Variants in KCTD16 observed in about 807,000 individuals in gnomAD.
KCTD16 encodes potassium channel tetramerization domain containing 16.
Under a neutral mutation model 33.2 loss-of-function variants are expected in KCTD16, and 13 were observed. The ratio of observed to expected loss-of-function variants is 0.39; its 90% CI spans 0.25 to 0.62. The LOEUF (loss-of-function observed/expected upper bound fraction) is 0.62, where lower values mean the gene tolerates loss of function less well. Among genes scored for constraint, KCTD16 ranks in the 20% least tolerant of loss-of-function variants. The pLI is 0.50. For synonymous variants in KCTD16, 197 were observed against 195.3 expected, an observed-to-expected ratio of 1.01 and a Z score of -0.07; for missense variants, 441 against 525.1, an observed-to-expected ratio of 0.84 and a Z score of 1.57.
intron 3 of KCTD16, among the ~76,000 whole-genome samples, chr5:144,264,181 T>A (rs1755081009): frequency 6.6e-6 from 1 of 152,228 alleles, no homozygotes; most frequent in Non-Finnish European, 1.5e-5. Flanking sequence ...TAAAATAATT[T>A]ATGTACTTCT....
chr5:144,401,688 C>T (rs1462484837), intron 3 of KCTD16, among the ~76,000 whole-genome samples: 2 of 152,210 alleles, frequency 1.3e-5, no homozygotes, highest in Non-Finnish European at 2.9e-5. Flanking sequence ...TCTATCCCAT[C>T]TATTCATCCA....
chr5:144,439,909 CATGT>C (rs1443975228), intron 3 of KCTD16, among the ~76,000 whole-genome samples: 1 of 150,068 alleles, frequency 6.7e-6, no homozygotes, highest in Non-Finnish European at 1.5e-5. Flanking sequence ...GAAGTCTGTT[CATGT>C]TAAAATCCTT....
chr5:144,448,324 TTCTC>T (rs1351027476), intron 3 of KCTD16, among the ~76,000 whole-genome samples: 1 of 152,208 alleles, frequency 6.6e-6, no homozygotes, highest in East Asian at 1.9e-4. Flanking sequence ...TTTTGTTTCT[TTCTC>T]TCTACTAGGC....
intron 3 of KCTD16, among the ~76,000 whole-genome samples, chr5:144,295,504 T>C (rs1345605617): frequency 6.6e-6 from 1 of 152,028 alleles, no homozygotes; most frequent in African/African-American, 2.4e-5. Context: ...TTCTGGAGGG[T>C]AAATTACCTC....
chr5:144,467,873 C>T (rs1433561178), intron 3 of KCTD16, among the ~76,000 whole-genome samples: 1 of 152,052 alleles, frequency 6.6e-6, no homozygotes, highest in African/African-American at 2.4e-5. Context: ...ATTTGTGATG[C>T]CAGGACTGGG....
intron 3 of KCTD16, among the ~76,000 whole-genome samples, chr5:144,467,797 C>G (rs1028497386): frequency 6.6e-6 from 1 of 152,112 alleles, no homozygotes; most frequent in African/African-American, 2.4e-5. Flanking sequence ...TTTTGCATCC[C>G]TCGCAGGGAG....
chr5:144,193,231 C>T (rs1158589106), intron 2 of KCTD16, among the ~76,000 whole-genome samples: 1 of 152,226 alleles, frequency 6.6e-6, no homozygotes, highest in Non-Finnish European at 1.5e-5. Flanking sequence ...GAACATGTCA[C>T]TTCTAACTTT....
At chr5:144,457,949 GC>G (rs1337265343) in intron 3 of KCTD16, among the ~76,000 whole-genome samples, 3 of 152,170 alleles carry the variant, frequency 2.0e-5, no homozygotes, top group Non-Finnish European at 4.4e-5. Context: ...TCAAGGCCTT[GC>G]CTGTTTCCAG....
chr5:144,213,608 C>G (rs574348556), intron 3 of KCTD16, among the ~76,000 whole-genome samples: 102 of 152,234 alleles, frequency 6.7e-4, no homozygotes, highest in African/African-American at 2.4e-3. Flanking sequence ...TTTTAGAGGC[C>G]TAATCAAATT....
chr5:144,335,769 G>A (rs1274710539), intron 3 of KCTD16, among the ~76,000 whole-genome samples: 1 of 152,258 alleles, frequency 6.6e-6, no homozygotes, highest in Non-Finnish European at 1.5e-5. Context: ...CTCTGGGAGA[G>A]GAACAGTCCA....
At chr5:144,285,866 C>T (rs1336904993) in intron 3 of KCTD16, among the ~76,000 whole-genome samples, 1 of 151,828 alleles carries the variant, frequency 6.6e-6, no homozygotes, top group Non-Finnish European at 1.5e-5. Flanking sequence ...ACTCAAAATA[C>T]CAGACAGAAC....
At chr5:144,332,419 T>C (rs1246436277) in intron 3 of KCTD16, among the ~76,000 whole-genome samples, 2 of 152,124 alleles carry the variant, frequency 1.3e-5, no homozygotes, top group Non-Finnish European at 2.9e-5. Flanking sequence ...GTTAGCTACC[T>C]GATAAATCAC....
At chr5:144,329,812 A>G (rs1403336844) in intron 3 of KCTD16, among the ~76,000 whole-genome samples, 1 of 152,126 alleles carries the variant, frequency 6.6e-6, no homozygotes, top group Non-Finnish European at 1.5e-5. Flanking sequence ...CAGTCCACCA[A>G]CCTTAGGAAG....
At chr5:144,196,376 T>C (rs1298791999) in intron 2 of KCTD16, among the ~76,000 whole-genome samples, 2 of 152,184 alleles carry the variant, frequency 1.3e-5, no homozygotes, top group East Asian at 1.9e-4. Flanking sequence ...TTTACCCTTA[T>C]AGGTATAAAT....
intron 3 of KCTD16, among the ~76,000 whole-genome samples, chr5:144,440,934 C>T (rs1017241840): frequency 2.7e-5 from 4 of 147,714 alleles, no homozygotes; most frequent in African/African-American, 1.0e-4. Flanking sequence ...GTTCCCCTTC[C>T]TGTGTCCATG....
intron 3 of KCTD16, among the ~76,000 whole-genome samples, chr5:144,308,194 T>A (rs554793321): frequency 1.3e-5 from 2 of 152,326 alleles, no homozygotes; most frequent in African/African-American, 4.8e-5. Flanking sequence ...TATCTTAGCT[T>A]GCCCAGGACC....
intron 2 of KCTD16, among the ~76,000 whole-genome samples, chr5:144,176,993 G>A (rs2126771031): frequency 6.6e-6 from 1 of 152,186 alleles, no homozygotes; most frequent in Non-Finnish European, 1.5e-5. Flanking sequence ...TATTTTGTAG[G>A]TTGTTTACTT....
At chr5:144,213,375 TTCTC>T (rs1427853266) in intron 3 of KCTD16, among the ~76,000 whole-genome samples, 1 of 151,238 alleles carries the variant, frequency 6.6e-6, no homozygotes, top group Non-Finnish European at 1.5e-5. Context: ...CTTCCCTTCT[TTCTC>T]TTTCTTTCTT....
At chr5:144,422,979 A>G (rs906749022) in intron 3 of KCTD16, among the ~76,000 whole-genome samples, 2 of 152,164 alleles carry the variant, frequency 1.3e-5, no homozygotes, top group African/African-American at 4.8e-5. Context: ...GCAAAGATAG[A>G]TAATGAAGTA....
Sources: gnomAD v4.1 joint callset for allele counts (sites outside exome capture counted in the v4.1 genomes callset) on GRCh38, gnomAD v4.1.1 for gene constraint, MANE v1.5 for transcripts, NCBI Gene and HGNC (gene_info 2026-07-23, HGNC 2026-07-21) for gene names.